Variants in SHISAL1 observed in about 807,000 individuals in gnomAD.
The protein encoded by SHISAL1 is protein shisa-like-1.
A neutral mutation model predicts 22.6 loss-of-function variants in SHISAL1; 9 were observed. The observed-to-expected ratio is 0.40, with a 90% confidence interval of 0.24 to 0.70. The LOEUF is 0.70. Among genes scored for constraint, SHISAL1 ranks in the 30% least tolerant of loss-of-function variants. The pLI, the probability that SHISAL1 is intolerant of heterozygous loss-of-function variation, is 0.39. For synonymous variants in SHISAL1, 119 were observed against 115.4 expected, an observed-to-expected ratio of 1.03 and a Z score of -0.20; for missense variants, 246 against 270.6, an observed-to-expected ratio of 0.91 and a Z score of 0.64.
intron 4 of SHISAL1, among the ~76,000 whole-genome samples, chr22:44,255,048 ATCCTCCTCCTCCTCCCACCGCTCCTGC>A (rs1228835918): frequency 6.6e-6 from 1 of 151,520 alleles, no homozygotes; most frequent in East Asian, 1.9e-4. Flanking sequence ...CCCTCTCCTG[ATCCTCCTCCTCCTCCCACCGCTCCTGC>A]TCCAGCCCTT....
intron 4 of SHISAL1, among the ~76,000 whole-genome samples, chr22:44,280,013 C>T (rs1251422830): frequency 6.6e-5 from 10 of 152,088 alleles, no homozygotes; most frequent in African/African-American, 9.7e-5. Flanking sequence ...TGACAGCCTG[C>T]GAGGGCTTGG....
the SHISAL1 span, among the ~76,000 whole-genome samples, chr22:44,326,035 G>A: frequency 6.6e-6 from 1 of 151,700 alleles, no homozygotes; most frequent in Non-Finnish European, 1.5e-5. Flanking sequence ...GTTTCAAATC[G>A]CCCCTCCTCG....
At chr22:44,276,236 G>A (rs1340478591) in intron 4 of SHISAL1, among the ~76,000 whole-genome samples, 4 of 152,176 alleles carry the variant, frequency 2.6e-5, no homozygotes, top group Non-Finnish European at 4.4e-5. Context: ...TGGAAGGGAG[G>A]AGTGAGCCCT....
intron 4 of SHISAL1, among the ~76,000 whole-genome samples, chr22:44,282,031 A>G (rs1324572853): frequency 6.6e-6 from 1 of 152,240 alleles, no homozygotes; most frequent in Non-Finnish European, 1.5e-5. Flanking sequence ...GTGGGGACCA[A>G]GAGGCGGGGG....
chr22:44,276,504 C>G (rs533417566), intron 4 of SHISAL1, among the ~76,000 whole-genome samples: 2 of 150,306 alleles, frequency 1.3e-5, no homozygotes, highest in South Asian at 4.2e-4. Flanking sequence ...TATGTGGAGG[C>G]AGCTGCCTCC....
At chr22:44,297,551 G>A (rs936390044) in intron 2 of SHISAL1, among the ~76,000 whole-genome samples, 3 of 152,188 alleles carry the variant, frequency 2.0e-5, no homozygotes, top group African/African-American at 7.2e-5. Flanking sequence ...GGTCCCCAAG[G>A]GCCTGCCTCA....
At chr22:44,273,628 A>G (rs1157398362) in intron 4 of SHISAL1, among the ~76,000 whole-genome samples, 1 of 152,256 alleles carries the variant, frequency 6.6e-6, no homozygotes, top group African/African-American at 2.4e-5. Flanking sequence ...AATGCAAATT[A>G]GGAAAAATAC....
chr22:44,262,913 C>A (rs1215595046), intron 4 of SHISAL1, among the ~76,000 whole-genome samples: 1 of 152,094 alleles, frequency 6.6e-6, no homozygotes, highest in East Asian at 1.9e-4. Flanking sequence ...TAACCCTTCC[C>A]GCAGACGAAA....
At chr22:44,288,999 C>T (rs1277645096) in intron 3 of SHISAL1, among the ~76,000 whole-genome samples, 3 of 152,362 alleles carry the variant, frequency 2.0e-5, no homozygotes, top group East Asian at 1.9e-4. Flanking sequence ...CTGACACCAA[C>T]ACATACTGAC....
At chr22:44,253,832 CTGTGTG>C (rs61001074) in intron 4 of SHISAL1, among the ~76,000 whole-genome samples, 3 of 149,184 alleles carry the variant, frequency 2.0e-5, no homozygotes, top group Non-Finnish European at 3.0e-5. Flanking sequence ...AATCTAACAA[CTGTGTG>C]TGTGTGTGTG....
At chr22:44,327,055 C>A in the SHISAL1 span, among the ~76,000 whole-genome samples, 3 of 152,224 alleles carry the variant, frequency 2.0e-5, no homozygotes, top group African/African-American at 7.2e-5. Context: ...CGGTCCCAGC[C>A]CTCTCTGGGC....
At chr22:44,249,972 C>G (rs1168323794) in intron 4 of SHISAL1, among the ~76,000 whole-genome samples, 1 of 152,126 alleles carries the variant, frequency 6.6e-6, no homozygotes, top group Non-Finnish European at 1.5e-5. Context: ...TTGTGGATAA[C>G]TTACATAGAA....
At chr22:44,304,643 C>A (rs985305740) in intron 1 of SHISAL1, among the ~76,000 whole-genome samples, 1 of 152,188 alleles carries the variant, frequency 6.6e-6, no homozygotes, top group Non-Finnish European at 1.5e-5. Context: ...CTCCTTCTGG[C>A]CCTCCTGGGA....
Position 44,260,184 on chromosome 22 carries a change from G to A in SHISAL1, c.*-10499C>T, listed in dbSNP as rs1224973710. ...CTTTAAAGACCCCACTTTCCTCCTCGAAAGCTGAAGTGATTCCCTTAAGTC... is the reference window on the plus strand; with the variant it reads ...CTTTAAAGACCCCACTTTCCTCCTCAAAAGCTGAAGTGATTCCCTTAAGTC... On this transcript the variant is annotated intron_variant, in intron 4 of 4. Coordinates refer to ENST00000381176, the MANE Select transcript of SHISAL1 (RefSeq NM_001099294.2). Among the ~76,000 whole-genome samples the A allele has an allele frequency of 4.6e-5, 7 of 152,112 alleles. No homozygotes were observed. The East Asian group carries it at 7.7e-4, about 17-fold the overall frequency.
At chr22:44,329,214 C>G in the SHISAL1 span, among the ~76,000 whole-genome samples, 1 of 152,126 alleles carries the variant, frequency 6.6e-6, no homozygotes, top group Non-Finnish European at 1.5e-5. Flanking sequence ...CATGGGGGCT[C>G]GGGGAGTTGG....
chr22:44,247,002 C>T lies in SHISAL1; in HGVS notation c.*2683G>A, dbSNP rs1029224513. ...GTTTTTCAGTTATTCCTGAAAAGAC[C>T]TCTTGCGGGGAGGGGGGCAGGCAGG... On this transcript the variant is annotated 3_prime_UTR_variant, in exon 5 of 5. Transcript: ENST00000381176. 2.6e-5 allele frequency: 4 copies of T among 152,362 alleles called. No homozygotes were observed. Among genetic ancestry groups the T allele is most frequent in the Admixed American group, 6.5e-5 (1 of 15,278 alleles). The allele number at this position is 152,362 out of a possible 1,614,324, so 9.4% of individuals were successfully genotyped here.
At chr22:44,287,329 C>T (rs1305619973) in intron 3 of SHISAL1, among the ~76,000 whole-genome samples, 3 of 152,178 alleles carry the variant, frequency 2.0e-5, no homozygotes, top group African/African-American at 7.2e-5. Context: ...AGCCCAGGGC[C>T]GGGGAAGCTC....
At chr22:44,321,608 G>C in the SHISAL1 span, among the ~76,000 whole-genome samples, 1 of 152,174 alleles carries the variant, frequency 6.6e-6, no homozygotes, top group Non-Finnish European at 1.5e-5. Flanking sequence ...CTGTGAGGAC[G>C]GGCCCTGGGT....
At chr22:44,290,976 A>G (rs1276025060) in intron 3 of SHISAL1, among the ~76,000 whole-genome samples, 1 of 152,164 alleles carries the variant, frequency 6.6e-6, no homozygotes, top group Non-Finnish European at 1.5e-5. Context: ...GTCTATTACT[A>G]TCAAAATACC....
Sources: gnomAD v4.1 joint callset for allele counts (sites outside exome capture counted in the v4.1 genomes callset) on GRCh38, gnomAD v4.1.1 for gene constraint, MANE v1.5 for transcripts, NCBI Gene and HGNC (gene_info 2026-07-23, HGNC 2026-07-21) for gene names.